The following CCNB3 variants were observed in gnomAD, a reference collection of about 807,000 sequenced individuals.
The protein encoded by CCNB3 is G2/mitotic-specific cyclin-B3.
A neutral mutation model predicts 68.0 loss-of-function variants in CCNB3; 12 were observed. That is an observed-to-expected ratio of 0.18 (90% CI 0.11 to 0.29). The LOEUF (loss-of-function observed/expected upper bound fraction) is 0.29, where lower values mean the gene tolerates loss of function less well. CCNB3 is among the 10% of genes least tolerant of loss of function. CCNB3 has a pLI of 1.00. For missense variants in CCNB3, 904 were observed against 993.1 expected, an observed-to-expected ratio of 0.91 and a Z score of 1.21; for synonymous variants, 354 against 388.9, an observed-to-expected ratio of 0.91 and a Z score of 1.06.
intron 1 of CCNB3, among the ~76,000 whole-genome samples, chrX:50,280,200 A>C (rs1220930861): frequency 3.3e-5 from 3 of 90,609 alleles, no homozygotes; most frequent in Non-Finnish European, 4.2e-5. Context: ...TATAGAACAT[A>C]TAAATATATT....
At chrX:50,321,414 T>C (rs1466120922) in intron 8 of CCNB3, among the ~76,000 whole-genome samples, 6 of 111,937 alleles carry the variant, frequency 5.4e-5, no homozygotes, top group African/African-American at 1.9e-4. Context: ...ACAAAATTTT[T>C]TCTAGAATAT....
At chrX:50,228,412 T>A (rs1935967202) in intron 1 of CCNB3, among the ~76,000 whole-genome samples, 1 of 89,323 alleles carries the variant, frequency 1.1e-5, no homozygotes, top group African/African-American at 3.9e-5. Flanking sequence ...ATAGAGGATA[T>A]ATCTATGTAG....
chrX:50,304,733 G>A (rs1463695509), intron 5 of CCNB3, among the ~76,000 whole-genome samples: 1 of 111,288 alleles, frequency 9.0e-6, no homozygotes, highest in Non-Finnish European at 1.9e-5. Flanking sequence ...GAGAATGGGA[G>A]AAAATTTTTG....
At position 50,279,239 on chromosome X, in the gene CCNB3, AAT is replaced by A. The variant is rs1336496548; in HGVS notation, c.-112-5295_-112-5294del. On this transcript the variant is annotated intron_variant, in intron 1 of 12. Coordinates refer to ENST00000376042, the MANE Select transcript of CCNB3 (RefSeq NM_033031.3). ...ATATATTCATATATAAATATATATGAATATATATACTATATATAAATATATAG... is the reference window on the plus strand; with the variant it reads ...ATATATTCATATATAAATATATATGAATATATACTATATATAAATATATAG... Among the ~76,000 whole-genome samples the A allele has an allele frequency of 0.013, 872 of 69,120 alleles. 37 individuals carry two copies. The East Asian group carries it at 0.17, about 13-fold the overall frequency. 60.0% of individuals were successfully genotyped at this position (69,120 alleles called of 115,157 possible).
chrX:50,337,491 G>A (rs1156648824), intron 8 of CCNB3, among the ~76,000 whole-genome samples: 2 of 110,652 alleles, frequency 1.8e-5, no homozygotes, highest in Non-Finnish European at 1.9e-5. Flanking sequence ...ACTGATCTGG[G>A]TGCCCTGGCT....
intron 3 of CCNB3, among the ~76,000 whole-genome samples, chrX:50,286,613 GTTTTTT>G (rs369525241): frequency 5.6e-4 from 42 of 75,331 alleles, no homozygotes; most frequent in African/African-American, 2.1e-3. Flanking sequence ...CCTCAGTTCG[GTTTTTT>G]TTTTTTTTTT....
intron 1 of CCNB3, among the ~76,000 whole-genome samples, chrX:50,281,642 T>C (rs1004321926): frequency 2.7e-5 from 3 of 111,472 alleles, no homozygotes; most frequent in African/African-American, 9.8e-5. Context: ...GGAGTGTTTG[T>C]TAAGGAGTGA....
chrX:50,321,643 A>G (rs1206864656), intron 8 of CCNB3, among the ~76,000 whole-genome samples: 4 of 111,089 alleles, frequency 3.6e-5, no homozygotes, highest in African/African-American at 1.3e-4. Context: ...TGTTTTTATT[A>G]TATATTATTT....
chrX:50,333,424 A>G (rs1922699674), intron 8 of CCNB3, among the ~76,000 whole-genome samples: 1 of 111,880 alleles, frequency 8.9e-6, no homozygotes, highest in African/African-American at 3.3e-5. Context: ...ATAAGCTTGT[A>G]TGCTGGGTGG....
chrX:50,299,410 C>T (rs1557211881), intron 5 of CCNB3, among the ~76,000 whole-genome samples: 3 of 111,490 alleles, frequency 2.7e-5, no homozygotes, highest in African/African-American at 9.8e-5. Flanking sequence ...CATTCAGGAG[C>T]AGGTTGTTCA....
At chrX:50,313,195 C>T (rs1921558384) in intron 7 of CCNB3, among the ~76,000 whole-genome samples, 1 of 111,023 alleles carries the variant, frequency 9.0e-6, no homozygotes. Context: ...CTCAACAGAA[C>T]AGATGGGACC....
Position 50,320,249 on chromosome X carries a change from G to A in CCNB3, c.3516+6301G>A, listed in dbSNP as rs1163449485. ...AGAATTTGCAAGCGAAAACATTGGAGCCTGGAGAGTTTTTCCCAAAAGGTT... is the reference window on the plus strand; with the variant it reads ...AGAATTTGCAAGCGAAAACATTGGAACCTGGAGAGTTTTTCCCAAAAGGTT... On this transcript the variant is annotated intron_variant, in intron 8 of 12. Transcript: ENST00000376042. Among the ~76,000 whole-genome samples, 3 of 111,385 alleles carry A rather than the reference G, an allele frequency of 2.7e-5. No homozygotes were observed. The Admixed American group carries it at 2.9e-4, about 11-fold the overall frequency.
intron 1 of CCNB3, among the ~76,000 whole-genome samples, chrX:50,281,297 C>G (rs369285122): frequency 9.0e-6 from 1 of 111,393 alleles, no homozygotes. Flanking sequence ...TTTCAAAATC[C>G]CAACTGGGCT....
chrX:50,347,664 C>T lies in CCNB3; in HGVS notation c.3849C>T (p.Arg1283=), dbSNP rs138640037. The T allele has an allele frequency of 8.3e-7, 1 of 1,208,134 alleles. No homozygotes were observed. Among genetic ancestry groups the T allele is most frequent in the East Asian group, 3.0e-5 (1 of 33,677 alleles). ...HTNMKTLTLS[R]YICEMTLQEY... ...ACATGAAGACACTGACCTTGTCCCGCTACATCTGCGAGATGACCCTGCAGG... is the reference window on the plus strand; with the variant it reads ...ACATGAAGACACTGACCTTGTCCCGTTACATCTGCGAGATGACCCTGCAGG... Residue 1283 remains arginine (R), a synonymous_variant, in exon 11 of 13, where the codon CGC becomes CGT. Transcript: ENST00000376042.
At chrX:50,323,471 A>G (rs1446003056) in intron 8 of CCNB3, among the ~76,000 whole-genome samples, 2 of 110,173 alleles carry the variant, frequency 1.8e-5, no homozygotes, top group Admixed American at 1.9e-4. Context: ...AATGTAAATG[A>G]TGAGTTAATG....
chrX:50,325,451 C>T (rs1922245122), intron 8 of CCNB3, among the ~76,000 whole-genome samples: 1 of 112,199 alleles, frequency 8.9e-6, no homozygotes, highest in Non-Finnish European at 1.9e-5. Flanking sequence ...TCTATTTATG[C>T]AAATGAAAAA....
At chrX:50,344,425 C>G (rs782511973) in intron 9 of CCNB3, among the ~76,000 whole-genome samples, 1 of 112,328 alleles carries the variant, frequency 8.9e-6, no homozygotes, top group Non-Finnish European at 1.9e-5. Context: ...TTTTTTCTGC[C>G]GCATTTTTTG....
intron 4 of CCNB3, among the ~76,000 whole-genome samples, chrX:50,294,401 A>G (rs781832079): frequency 8.9e-6 from 1 of 111,873 alleles, no homozygotes; most frequent in South Asian, 3.8e-4. Context: ...GTGAGATGGG[A>G]TAGATATATC....
In CCNB3 at chrX:50,222,404, TG is replaced by T. The variant is rs1212639567; in HGVS notation, c.-113+17456del. Among the ~76,000 whole-genome samples, 9 of 111,834 alleles carry T rather than the reference TG, an allele frequency of 8.0e-5. No homozygotes were observed. The East Asian group carries it at 2.2e-3, about 28-fold the overall frequency. ...GGTATATTTTTGCAGTGGCTGGTAC[TG>T]GTTTTTTCTTTCCATATTTAGTGCT... On this transcript the variant is annotated intron_variant, in intron 1 of 12. Coordinates refer to ENST00000376042, the MANE Select transcript of CCNB3 (RefSeq NM_033031.3).
Sources: allele counts gnomAD v4.1 joint callset (sites outside exome capture counted in the v4.1 genomes callset), GRCh38; gene constraint gnomAD v4.1.1; transcripts MANE v1.5; gene names NCBI Gene and HGNC (gene_info 2026-07-23, HGNC 2026-07-21).